The following LARGE1 variants were observed in gnomAD, a reference collection of about 807,000 sequenced individuals.
LARGE1 encodes xylosyl- and glucuronyltransferase LARGE1.
A neutral mutation model predicts 87.6 loss-of-function variants in LARGE1; 43 were observed. The observed-to-expected ratio is 0.49, with a 90% CI of 0.38 to 0.63. The LOEUF (loss-of-function observed/expected upper bound fraction) is 0.63, where lower values mean the gene tolerates loss of function less well. LARGE1 is among the 30% of genes least tolerant of loss of function. LARGE1 has a pLI of 0.00. For synonymous variants in LARGE1, 434 were observed against 394.6 expected (o/e 1.10, Z -1.18); for missense variants, 802 against 1,000.2 (o/e 0.80, Z 2.67).
intron 1 of LARGE1, among the ~76,000 whole-genome samples, chr22:33,805,002 G>A (rs1487645147): frequency 6.6e-6 from 1 of 152,168 alleles, no homozygotes; most frequent in Non-Finnish European, 1.5e-5. Flanking sequence ...CAATAAGACT[G>A]AAACTGAACT....
chr22:33,418,137 C>T (rs2066566879), intron 7 of LARGE1, among the ~76,000 whole-genome samples: 1 of 152,000 alleles, frequency 6.6e-6, no homozygotes, highest in Middle Eastern at 3.2e-3. Flanking sequence ...TTAGTAGAGA[C>T]GAGGTTTCAC....
intron 1 of LARGE1, among the ~76,000 whole-genome samples, chr22:33,829,232 C>T (rs1015882705): frequency 3.3e-5 from 5 of 151,934 alleles, no homozygotes; most frequent in Non-Finnish European, 5.9e-5. Flanking sequence ...TGGTCTCGAA[C>T]TCCTGACCTC....
At chr22:33,650,260 G>T in intron 3 of LARGE1, 107 bp downstream of exon 3, 3 of 1,386,752 alleles carry the variant, frequency 2.2e-6, no homozygotes, top group Non-Finnish European at 3.1e-6. Context: ...CTAGAATCAA[G>T]AATGCCAGCT....
intron 6 of LARGE1, among the ~76,000 whole-genome samples, chr22:33,553,284 T>C (rs903412135): frequency 6.6e-6 from 1 of 151,742 alleles, no homozygotes; most frequent in African/African-American, 2.4e-5. Flanking sequence ...GGCGGGAGGA[T>C]CGCTTGAGCC....
chr22:33,903,195 C>A (rs939369889), intron 1 of LARGE1, among the ~76,000 whole-genome samples: 5 of 152,152 alleles, frequency 3.3e-5, no homozygotes, highest in Non-Finnish European at 7.4e-5. Flanking sequence ...TCTACTATGA[C>A]TGATGTCCTA....
chr22:33,679,468 G>GCGCGCA (rs1555994479), intron 2 of LARGE1, among the ~76,000 whole-genome samples: 4 of 147,520 alleles, frequency 2.7e-5, no homozygotes, highest in African/African-American at 9.9e-5. Context: ...ACACACACAC[G>GCGCGCA]CACACACACA....
intron 8 of LARGE1, 33 bp from the exon 9 acceptor site, chr22:33,382,077 C>G: frequency 6.2e-7 from 1 of 1,613,472 alleles, no homozygotes; most frequent in Non-Finnish European, 8.5e-7. Flanking sequence ...ACAGTCAAGA[C>G]AGTCGGATGG....
rs145999804 is a variant in LARGE1 at position 33,532,130 on chromosome 22, G to T, written c.787+32718C>A. On this transcript the variant is annotated intron_variant, in intron 6 of 14. Coordinates refer to ENST00000397394, the MANE Select transcript of LARGE1 (RefSeq NM_133642.5). ...TGGATGAATAGAACAGGGATGAAGAGGACCAAATCTATCCCTTATTTCATT... is the reference window on the plus strand; with the variant it reads ...TGGATGAATAGAACAGGGATGAAGATGACCAAATCTATCCCTTATTTCATT... Among the ~76,000 whole-genome samples the T allele has an allele frequency of 2.0e-3, 298 of 152,310 alleles. 1 individual carries two copies. Among genetic ancestry groups the T allele is most frequent in the Non-Finnish European group, 3.0e-3 (206 of 68,030 alleles).
intron 10 of LARGE1, among the ~76,000 whole-genome samples, chr22:33,322,080 A>G (rs1337429965): frequency 1.3e-5 from 2 of 152,118 alleles, no homozygotes; most frequent in Non-Finnish European, 2.9e-5. Context: ...CGGCCTCCCA[A>G]AGTGCTGAGA....
intron 11 of LARGE1, among the ~76,000 whole-genome samples, chr22:33,314,554 T>C (rs983251230): frequency 3.9e-5 from 6 of 152,232 alleles, no homozygotes; most frequent in East Asian, 1.9e-4. Context: ...CTGGTATTTA[T>C]GGAACACTTA....
the LARGE1 span, among the ~76,000 whole-genome samples, chr22:33,122,175 CT>C: frequency 1.3e-5 from 2 of 152,120 alleles, no homozygotes; most frequent in Non-Finnish European, 2.9e-5. Flanking sequence ...TGACCACATA[CT>C]TTTTCATGCC....
At chr22:33,565,910 GCA>G (rs1442238909) in intron 5 of LARGE1, among the ~76,000 whole-genome samples, 1 of 152,164 alleles carries the variant, frequency 6.6e-6, no homozygotes, top group Non-Finnish European at 1.5e-5. Flanking sequence ...TCTCATCTAT[GCA>G]CAGTCATTTA....
intron 5 of LARGE1, among the ~76,000 whole-genome samples, chr22:33,600,665 T>G (rs1183754580): frequency 6.6e-6 from 1 of 152,016 alleles, no homozygotes; most frequent in Non-Finnish European, 1.5e-5. Flanking sequence ...TCTGCAGGAC[T>G]GGAGAGTGAG....
At chr22:33,904,476 G>A (rs992098661) in intron 1 of LARGE1, among the ~76,000 whole-genome samples, 1 of 152,156 alleles carries the variant, frequency 6.6e-6, no homozygotes, top group Non-Finnish European at 1.5e-5. Flanking sequence ...TTTGCCAGAT[G>A]TACTGGGAAA....
chr22:33,532,444 G>A (rs1193680645), intron 6 of LARGE1, among the ~76,000 whole-genome samples: 1 of 152,190 alleles, frequency 6.6e-6, no homozygotes, highest in East Asian at 1.9e-4. Flanking sequence ...CTAAAGAACA[G>A]CCATTTCCTG....
At chr22:33,127,446 T>C in the LARGE1 span, among the ~76,000 whole-genome samples, 1 of 152,198 alleles carries the variant, frequency 6.6e-6, no homozygotes, top group Admixed American at 6.5e-5. Flanking sequence ...TTACCTCTTC[T>C]GACCATCCAG....
At chr22:33,071,944 G>T in the LARGE1 span, among the ~76,000 whole-genome samples, 2 of 152,144 alleles carry the variant, frequency 1.3e-5, no homozygotes, top group Admixed American at 6.5e-5. Flanking sequence ...CTCTGTTCTG[G>T]AGCTACTACC....
At chr22:33,441,872 T>G (rs1029295233) in intron 6 of LARGE1, among the ~76,000 whole-genome samples, 4 of 152,232 alleles carry the variant, frequency 2.6e-5, no homozygotes, top group African/African-American at 7.2e-5. Flanking sequence ...ATATTGCATG[T>G]CCTTCAGATG....
chr22:33,424,645 TGA>T (rs2066810923), intron 7 of LARGE1, among the ~76,000 whole-genome samples: 1 of 151,748 alleles, frequency 6.6e-6, no homozygotes, highest in Non-Finnish European at 1.5e-5. Context: ...AGCAACAAAG[TGA>T]GACCCTGTCT....
Sources: allele counts gnomAD v4.1 joint callset (sites outside exome capture counted in the v4.1 genomes callset), GRCh38; gene constraint gnomAD v4.1.1; transcripts MANE v1.5; gene names NCBI Gene and HGNC (gene_info 2026-07-23, HGNC 2026-07-21).